The following GTF2F2 variants were observed in gnomAD, a reference collection of about 807,000 sequenced individuals.
GTF2F2 encodes the protein general transcription factor IIF subunit 2.
GTF2F2 carries 23 observed loss-of-function variants against 42.2 expected under a neutral mutation model. The ratio of observed to expected loss-of-function variants is 0.55; its 90% CI spans 0.39 to 0.77. The LOEUF (loss-of-function observed/expected upper bound fraction) is 0.77, where lower values mean the gene tolerates loss of function less well. Among genes scored for constraint, GTF2F2 ranks in the 30% least tolerant of loss-of-function variants. The pLI is 0.00. For synonymous variants in GTF2F2, 105 were observed against 100.8 expected (o/e 1.04, Z -0.25); for missense variants, 261 against 287.2 (o/e 0.91, Z 0.66).
At chr13:45,249,001 C>T (rs1875762811) in intron 5 of GTF2F2, among the ~76,000 whole-genome samples, 2 of 152,062 alleles carry the variant, frequency 1.3e-5, no homozygotes, top group Admixed American at 1.3e-4. Flanking sequence ...ATATGTGGTG[C>T]TTTACGAACC....
Position 45,163,034 on chromosome 13 carries a change from T to C in GTF2F2, c.304+11203T>C, listed in dbSNP as rs370238961. On this transcript the variant is annotated intron_variant, in intron 4 of 7. Coordinates refer to ENST00000340473, the MANE Select transcript of GTF2F2 (RefSeq NM_004128.3). ...TCTGCAATTCTCAAAACAAAATCTT[T>C]ATAGTTTAACTGGTGGAAACTAACC... Among the ~76,000 whole-genome samples the C allele has an allele frequency of 1.2e-4, 18 of 151,566 alleles. No individual in the cohort carries two copies. In the East Asian group the frequency reaches 3.3e-3, roughly 28 times the overall value.
intron 4 of GTF2F2, among the ~76,000 whole-genome samples, chr13:45,199,255 G>A (rs1178968031): frequency 1.3e-5 from 2 of 152,190 alleles, no homozygotes; most frequent in Admixed American, 1.3e-4. Context: ...ATTGGTAAAT[G>A]TTTTAGCTTC....
At chr13:45,219,226 C>A (rs369485439) in intron 5 of GTF2F2, 1 of 151,846 alleles carries the variant, frequency 6.6e-6, no homozygotes, top group East Asian at 1.9e-4. Flanking sequence ...AGAAAAGTTG[C>A]GATTTGCCCA....
At chr13:45,162,406 C>G (rs1228954279) in intron 4 of GTF2F2, among the ~76,000 whole-genome samples, 1 of 152,186 alleles carries the variant, frequency 6.6e-6, no homozygotes, top group South Asian at 2.1e-4. Flanking sequence ...GGAATCATAC[C>G]AGCTTCTGAC....
chr13:45,179,732 G>A (rs974443152), intron 4 of GTF2F2, among the ~76,000 whole-genome samples: 2 of 151,936 alleles, frequency 1.3e-5, no homozygotes, highest in African/African-American at 4.8e-5. Context: ...TTATCTTGTG[G>A]TCTTTTTGAT....
chr13:45,123,988 ACTGGGG>A lies in GTF2F2; in HGVS notation c.66+3272_66+3277del, dbSNP rs761925301. 2.3e-4 allele frequency: 221 copies of A among 940,504 alleles called. 1 individual carries two copies. Among genetic ancestry groups the A allele is most frequent in the East Asian group, 1.2e-3 (46 of 39,436 alleles). 58.3% of individuals were successfully genotyped at this position (940,504 alleles called of 1,614,324 possible). A position where few individuals can be genotyped will look rare whatever the true frequency, so the allele number is the denominator to read the frequency against. ...GTCTCTCTCTTCCTCTTGTTCTGTCACTGGGGCTGGTGGTCCAGGGGTCTTACTCCT... is the reference window on the plus strand; with the variant it reads ...GTCTCTCTCTTCCTCTTGTTCTGTCACTGGTGGTCCAGGGGTCTTACTCCT... On this transcript the variant is annotated intron_variant, in intron 1 of 7. Transcript: ENST00000340473.
chr13:45,232,527 C>T (rs994347634), intron 5 of GTF2F2, among the ~76,000 whole-genome samples: 7 of 151,832 alleles, frequency 4.6e-5, no homozygotes, highest in Non-Finnish European at 1.0e-4. Flanking sequence ...CCCAGCTACT[C>T]AGGAGGCTGA....
chr13:45,227,204 A>G (rs1219634444), intron 5 of GTF2F2, among the ~76,000 whole-genome samples: 1 of 152,210 alleles, frequency 6.6e-6, no homozygotes, highest in Non-Finnish European at 1.5e-5. Context: ...ATATAATTAT[A>G]TTGCCTGCAA....
chr13:45,193,133 T>A (rs1462849596), intron 4 of GTF2F2: 2 of 152,244 alleles, frequency 1.3e-5, no homozygotes, highest in African/African-American at 4.8e-5. Flanking sequence ...CTTTTTATTG[T>A]CATCAAGCAG....
intron 4 of GTF2F2, among the ~76,000 whole-genome samples, chr13:45,191,224 A>AAAAAAAAAAATATATAT: frequency 1.7e-4 from 13 of 75,310 alleles, no homozygotes; most frequent in African/African-American, 1.2e-3. Context: ...ACAAAAAAAA[A>AAAAAAAAAAATATATAT]ATATATATAT....
intron 6 of GTF2F2, chr13:45,263,637 T>C (rs566706743): frequency 6.6e-6 from 1 of 152,314 alleles, no homozygotes; most frequent in Admixed American, 6.5e-5. Context: ...GAATAAACTA[T>C]ATAGTTAATT....
intron 4 of GTF2F2, among the ~76,000 whole-genome samples, chr13:45,171,328 C>G (rs1217488941): frequency 1.3e-5 from 2 of 152,050 alleles, no homozygotes; most frequent in South Asian, 4.1e-4. Flanking sequence ...CTTGGCCTCC[C>G]AAAGTGCTGG....
intron 7 of GTF2F2, among the ~76,000 whole-genome samples, chr13:45,281,622 T>C (rs113395076): frequency 1.8e-4 from 28 of 152,342 alleles, no homozygotes; most frequent in African/African-American, 6.3e-4. Context: ...CAAGAGACTT[T>C]GATTCAGTAG....
intron 5 of GTF2F2, among the ~76,000 whole-genome samples, chr13:45,249,458 A>G (rs1186101423): frequency 6.6e-6 from 1 of 152,234 alleles, no homozygotes; most frequent in Non-Finnish European, 1.5e-5. Flanking sequence ...TGTATGAGTG[A>G]TGAAATTGGC....
intron 5 of GTF2F2, among the ~76,000 whole-genome samples, chr13:45,242,713 AG>A (rs1566148307): frequency 6.6e-6 from 1 of 152,236 alleles, no homozygotes; most frequent in Non-Finnish European, 1.5e-5. Context: ...TTGTTAATAT[AG>A]GACTCAGCCT....
chr13:45,257,787 C>G (rs2138253385), intron 6 of GTF2F2, among the ~76,000 whole-genome samples: 1 of 152,278 alleles, frequency 6.6e-6, no homozygotes, highest in Middle Eastern at 3.4e-3. Flanking sequence ...CATCTTTTTG[C>G]AGCTCCTGTG....
At chr13:45,217,694 G>A (rs1181229155) in intron 5 of GTF2F2, among the ~76,000 whole-genome samples, 2 of 152,162 alleles carry the variant, frequency 1.3e-5, no homozygotes, top group East Asian at 1.9e-4. Context: ...ATGTGATGGT[G>A]TTTCTACAAA....
At chr13:45,151,996 A>T (rs990758295) in intron 4 of GTF2F2, among the ~76,000 whole-genome samples, 165 bp downstream of exon 4, 1 of 148,100 alleles carries the variant, frequency 6.8e-6, no homozygotes, top group Non-Finnish European at 1.5e-5. Flanking sequence ...GCTCACTGCA[A>T]CCTCCATCTC....
At chr13:45,235,593 T>G (rs905988726) in intron 5 of GTF2F2, among the ~76,000 whole-genome samples, 4 of 151,872 alleles carry the variant, frequency 2.6e-5, no homozygotes, top group African/African-American at 9.7e-5. Flanking sequence ...CTTTCCTTTT[T>G]CTTTTTTTTT....
Sources: gnomAD v4.1 joint callset for allele counts (sites outside exome capture counted in the v4.1 genomes callset) on GRCh38, gnomAD v4.1.1 for gene constraint, MANE v1.5 for transcripts, NCBI Gene and HGNC (gene_info 2026-07-23, HGNC 2026-07-21) for gene names.